Variants in IFT140 observed in about 807,000 individuals in gnomAD.
IFT140 encodes intraflagellar transport 140, also known as intraflagellar transport protein 140 homolog.
In IFT140, 133 loss-of-function variants were observed where a neutral mutation model predicts 164.6. The observed-to-expected ratio is 0.81, with a 90% CI of 0.70 to 0.93. IFT140 has a LOEUF of 0.93. Among genes scored for constraint, IFT140 ranks in the 40% least tolerant of loss-of-function variants. The pLI is 0.00. For synonymous variants in IFT140, 860 were observed against 817.3 expected (o/e 1.05, Z -0.89); for missense variants, 2,045 against 1,972.3 (o/e 1.04, Z -0.70).
In IFT140 at chr16:1,551,165, A is replaced by G. The variant is rs2032603325; in HGVS notation, c.2399+6770T>C. 6.6e-6 allele frequency among the ~76,000 whole-genome samples: 1 copy of G among 152,240 alleles called. No homozygotes were observed. Among genetic ancestry groups the G allele is most frequent in the South Asian group, 2.1e-4 (1 of 4,832 alleles). On this transcript the variant is annotated intron_variant, in intron 19 of 30. Coordinates refer to ENST00000426508, the MANE Select transcript of IFT140 (RefSeq NM_014714.4). The surrounding 1 kb of genome is among the most constrained non-coding windows in gnomAD (Gnocchi z 4.0). ...CGATTAACTCAAAAAGTAATTGCGG[A>G]GAGACTTCTGGGAAGCTGTGGTCAA... is the stretch of plus-strand genomic sequence containing the variant.
chr16:1,568,422 G>A (rs774179980), intron 14 of IFT140, 88 bp from the exon 15 acceptor site: 7 of 1,053,696 alleles, frequency 6.6e-6, no homozygotes, highest in Admixed American at 1.8e-5. Flanking sequence ...CACCGGATGA[G>A]TGCTGCACAG....
intron 19 of IFT140, among the ~76,000 whole-genome samples, chr16:1,537,493 G>A (rs1167704092): frequency 2.0e-5 from 3 of 152,240 alleles, no homozygotes; most frequent in Non-Finnish European, 4.4e-5. Context: ...AGAGGAGCCC[G>A]GTCTCGACTT....
Position 1,587,285 on chromosome 16 carries a change from C to T in IFT140, c.922G>A (p.Gly308Arg), listed in dbSNP as rs1008745925. Residue 308 changes from glycine to arginine, a missense_variant, in exon 9 of 31, where the codon GGA becomes AGA. By Grantham distance (125) the Gly-to-Arg change is moderately radical (BLOSUM62 -2). Coordinates refer to ENST00000426508, the MANE Select transcript of IFT140 (RefSeq NM_014714.4). ...AALRFWDIER[G>R]ENYILSPDEK... ...TCTGGACTCAGTATATAATTCTCTC[C>T]TCGTTCTATGTCCCAGAATCTACAA... is the stretch of plus-strand genomic sequence containing the variant. The T allele has an allele frequency of 6.2e-7, 1 of 1,611,254 alleles. No homozygotes were observed. Among genetic ancestry groups the T allele is most frequent in the Non-Finnish European group, 8.5e-7 (1 of 1,177,518 alleles).
At chr16:1,572,157 A>G (rs1022755506) in intron 13 of IFT140, among the ~76,000 whole-genome samples, 1 of 152,120 alleles carries the variant, frequency 6.6e-6, no homozygotes, top group Non-Finnish European at 1.5e-5. Flanking sequence ...AATGTTTAAG[A>G]AGTCAGCCAG....
chr16:1,524,632 C>G lies in IFT140; in HGVS notation c.3061G>C (p.Glu1021Gln). Residue 1021 changes from glutamate (E) to glutamine (Q), a missense_variant, in exon 24 of 31, where the codon GAG (glutamate) becomes CAG (glutamine). Physicochemically the swap from Glu to Gln is conservative, Grantham distance 29. Coordinates refer to ENST00000426508, the MANE Select transcript of IFT140 (RefSeq NM_014714.4). ...GCCTGCCCGACCTCCTCCTGGCTCT[C>G]GTACTGGCGGGCGAGGTGGTAGGAG... ...AASYHLARQY[E>Q]SQEEVGQAVH... 1 of 1,600,242 alleles carries G rather than the reference C, an allele frequency of 6.2e-7. No homozygotes were observed. Among genetic ancestry groups the G allele is most frequent in the East Asian group, 2.2e-5 (1 of 44,548 alleles).
chr16:1,562,334 G>A (rs1567373755), intron 17 of IFT140, among the ~76,000 whole-genome samples: 1 of 152,122 alleles, frequency 6.6e-6, no homozygotes, highest in Non-Finnish European at 1.5e-5. Context: ...ACCTCGTCCA[G>A]CTTGCGACCA....
intron 1 of IFT140, 52 bp downstream of exon 1, chr16:1,611,916 C>A (rs1157949395): frequency 6.6e-6 from 1 of 152,076 alleles, no homozygotes; most frequent in African/African-American, 2.4e-5. Context: ...CGCTCGGCTA[C>A]GCTAACGTAG....
intron 19 of IFT140, among the ~76,000 whole-genome samples, chr16:1,556,330 G>A (rs1359814022): frequency 6.6e-6 from 1 of 152,210 alleles, no homozygotes; most frequent in African/African-American, 2.4e-5. Flanking sequence ...CAGAACCCAA[G>A]GCTGCCTGGC....
In IFT140 at chr16:1,513,884, A is replaced by G. The variant is rs1476868800; in HGVS notation, c.4183-2734T>C. On this transcript the variant is annotated intron_variant, in intron 30 of 30. Coordinates refer to ENST00000426508, the MANE Select transcript of IFT140 (RefSeq NM_014714.4). ...GAGACGGGGTTTCACCGTGTTAGCC[A>G]AGATGGTCTCCATCTCCTGACCTCA... 2.8e-4 allele frequency among the ~76,000 whole-genome samples: 39 copies of G among 141,794 alleles called. 1 individual carries two copies. The highest frequency in any genetic ancestry group is 9.5e-4 in the African/African-American group (35 of 36,708). The allele number at this position is 141,794 out of a possible 152,430, so 93.0% of individuals were successfully genotyped here. A position where few individuals can be genotyped will look rare whatever the true frequency, so the allele number is the denominator to read the frequency against.
In IFT140 at chr16:1,511,156, G is replaced by A. The variant is rs1461505278; in HGVS notation, c.4183-6C>T. 1.3e-6 allele frequency: 2 copies of A among 1,595,368 alleles called. No individual in the cohort carries two copies. Among genetic ancestry groups the A allele is most frequent in the Admixed American group, 1.8e-5 (1 of 56,724 alleles). ...TCCTCCAGGAATCTGTAGGCCTGGG[G>A]CAGAGGAGCAGACATTACTCAGCTT... On this transcript the variant is annotated splice_polypyrimidine_tract_variant and splice_region_variant and intron_variant, in intron 30 of 30. Transcript: ENST00000426508.
chr16:1,540,953 C>T, intron 19 of IFT140: 1 of 985,412 alleles, frequency 1.0e-6, no homozygotes, highest in Non-Finnish European at 1.2e-6. Flanking sequence ...CGTGCAGGGG[C>T]CTGGGAACAC....
At chr16:1,522,399 GTGGTGCA>G (rs1417752854) in intron 26 of IFT140, among the ~76,000 whole-genome samples, 3 of 152,166 alleles carry the variant, frequency 2.0e-5, no homozygotes, top group African/African-American at 7.2e-5. Flanking sequence ...GCCGGGCGTG[GTGGTGCA>G]TGCCTGTAAT....
intron 19 of IFT140, 112 bp from the exon 20 acceptor site, chr16:1,526,908 A>T (rs2040719309): frequency 1.6e-6 from 2 of 1,227,842 alleles, no homozygotes; most frequent in Non-Finnish European, 2.2e-6. Context: ...CCAAACGGGC[A>T]TGAGGAGGGG....
chr16:1,575,350 G>C (rs530065028), intron 13 of IFT140, among the ~76,000 whole-genome samples: 1 of 151,092 alleles, frequency 6.6e-6, no homozygotes, highest in East Asian at 2.0e-4. Context: ...ACTCTAGCCT[G>C]GGCGACAGGA....
chr16:1,560,685 CCT>C (rs1271350953), intron 18 of IFT140, among the ~76,000 whole-genome samples: 7 of 152,200 alleles, frequency 4.6e-5, no homozygotes, highest in African/African-American at 1.7e-4. Context: ...GTCTACGCTC[CCT>C]CTGTCCCAGT....
rs2040122797 is a variant in IFT140, at chr16:1,510,978, T to G, written c.4355A>C (p.Glu1452Ala). Residue 1452 changes from glutamate (E) to alanine (A), a missense_variant, in exon 31 of 31, where the codon GAG becomes GCG. Coordinates refer to ENST00000426508, the MANE Select transcript of IFT140 (RefSeq NM_014714.4). Reference protein sequence around the residue: ...NSMEDARELDEEVVEEADDDP With the variant: ...NSMEDARELDAEVVEEADDDP ...GTCATCTGCCTCTTCCACCACCTCC[T>G]CGTCCAGCTCCCTGGCGTCCTCCAT... The G allele has an allele frequency of 6.2e-7, 1 of 1,612,118 alleles. No homozygotes were observed. Among genetic ancestry groups the G allele is most frequent in the African/African-American group, 1.3e-5 (1 of 74,896 alleles).
In IFT140 at chr16:1,525,262, G is replaced by A; in HGVS notation, c.2833C>T (p.Leu945=). ...PRMLSEDLPS[L]ELYVNKMKDK... ...TTCATTTTATTCACGTAGAGCTCCA[G>A]GGACGGCAGGTCCTCCGACAGCATC... is the stretch of plus-strand genomic sequence containing the variant. The change falls in exon 22 of 31, where the codon CTG becomes TTG. Residue 945 remains leucine, a synonymous_variant. Coordinates refer to ENST00000426508, the MANE Select transcript of IFT140 (RefSeq NM_014714.4). 6.2e-7 allele frequency: 1 copy of A among 1,612,834 alleles called. No individual in the cohort carries two copies. The highest frequency in any genetic ancestry group is 8.5e-7 in the Non-Finnish European group (1 of 1,179,806).
At chr16:1,540,996 T>C (rs1474623797) in intron 19 of IFT140, 10 of 985,314 alleles carry the variant, frequency 1.0e-5, no homozygotes, top group Non-Finnish European at 1.2e-5. Context: ...TGGGCCCCTG[T>C]GTAAGGTTTT....
chr16:1,541,699 G>A (rs368018294), intron 19 of IFT140, among the ~76,000 whole-genome samples: 165 of 152,216 alleles, frequency 1.1e-3, no homozygotes, highest in African/African-American at 3.7e-3. Flanking sequence ...CAGGCCCGGC[G>A]GCTGGGATGA....
Sources: gnomAD v4.1 joint callset for allele counts (sites outside exome capture counted in the v4.1 genomes callset) on GRCh38, gnomAD v4.1.1 for gene constraint, Gnocchi (gnomAD v3.1) non-coding constraint, MANE v1.5 for transcripts, NCBI Gene and HGNC (gene_info 2026-07-23, HGNC 2026-07-21) for gene names.